The following REEP3 variants were observed in gnomAD, a reference collection of about 807,000 sequenced individuals.
REEP3 encodes the protein receptor accessory protein 3.
Under a neutral mutation model 41.3 loss-of-function variants are expected in REEP3, and 20 were observed. That is an observed-to-expected ratio of 0.48 (90% CI 0.34 to 0.70). The LOEUF (loss-of-function observed/expected upper bound fraction) is 0.70. Among genes scored for constraint, REEP3 ranks in the 30% least tolerant of loss-of-function variants. The pLI is 0.01. For missense variants in REEP3, 271 were observed against 308.8 expected (o/e 0.88, Z 0.92); for synonymous variants, 104 against 101.8 (o/e 1.02, Z -0.13).
chr10:63,543,082 G>A (rs1955544025), intron 1 of REEP3, among the ~76,000 whole-genome samples: 1 of 152,108 alleles, frequency 6.6e-6, no homozygotes, highest in Non-Finnish European at 1.5e-5. Flanking sequence ...GTGACCTCAG[G>A]AGTCTGTGTT....
At chr10:63,586,926 G>A (rs1426032857) in intron 2 of REEP3, among the ~76,000 whole-genome samples, 2 of 150,878 alleles carry the variant, frequency 1.3e-5, no homozygotes, top group Non-Finnish European at 2.9e-5. Context: ...AACAAAGTAA[G>A]CAAAATAAAA....
intron 1 of REEP3, among the ~76,000 whole-genome samples, chr10:63,522,350 T>C (rs1955285173): frequency 6.6e-6 from 1 of 151,174 alleles, no homozygotes; most frequent in African/African-American, 2.5e-5. Context: ...ATTGTTCTCC[T>C]ACCAACAAGT....
At chr10:63,610,160 T>C (rs747603852) in intron 5 of REEP3, 27 bp from the exon 6 acceptor site, 2 of 1,587,696 alleles carry the variant, frequency 1.3e-6, no homozygotes, top group Non-Finnish European at 8.6e-7. Context: ...TATTTTTTCT[T>C]GGACCTATCA....
Position 63,589,785 on chromosome 10 carries a change from C to CTTT in REEP3, c.106-4969_106-4967dup, listed in dbSNP as rs59658061. Among the ~76,000 whole-genome samples the CTTT allele has an allele frequency of 0.015, 1,226 of 80,802 alleles. 243 individuals carry two copies. The East Asian group carries it at 0.22, about 15-fold the overall frequency. The allele number at this position is 80,802 out of a possible 152,430, so 53.0% of individuals were successfully genotyped here. A position where few individuals can be genotyped will look rare whatever the true frequency, so the allele number is the denominator to read the frequency against. On this transcript the variant is annotated intron_variant, in intron 2 of 7. Transcript: ENST00000373758. ...TAATGTACTAAGAACAGCAGAACAT[C>CTTT]TTTTTTTTTTTTTTTTTTTTTTTTT...
chr10:63,537,234 T>G (rs1191342343), intron 1 of REEP3, among the ~76,000 whole-genome samples: 1 of 151,988 alleles, frequency 6.6e-6, no homozygotes, highest in Admixed American at 6.6e-5. Context: ...TTGTGTTTTG[T>G]TTTTTTTAAA....
At chr10:63,536,328 A>G (rs1166142831) in intron 1 of REEP3, among the ~76,000 whole-genome samples, 2 of 152,160 alleles carry the variant, frequency 1.3e-5, no homozygotes, top group Non-Finnish European at 2.9e-5. Flanking sequence ...ACATATCATC[A>G]CCCTATCAAG....
intron 2 of REEP3, among the ~76,000 whole-genome samples, chr10:63,588,198 C>A (rs979067117): frequency 1.3e-5 from 2 of 152,226 alleles, no homozygotes; most frequent in Non-Finnish European, 2.9e-5. Context: ...CTTCTGGACA[C>A]AGCCACTCTT....
chr10:63,555,704 C>T (rs539091283), intron 1 of REEP3, among the ~76,000 whole-genome samples: 4 of 152,198 alleles, frequency 2.6e-5, no homozygotes, highest in South Asian at 2.1e-4. Context: ...AGTTAACCAA[C>T]GTACTGTACT....
intron 1 of REEP3, among the ~76,000 whole-genome samples, chr10:63,549,294 G>T (rs1027149717): frequency 3.3e-5 from 5 of 152,228 alleles, no homozygotes; most frequent in African/African-American, 1.2e-4. Flanking sequence ...ACAGCCAGGT[G>T]TGGTGGCTCA....
chr10:63,608,912 AACTTT>A (rs1956253431), intron 5 of REEP3, among the ~76,000 whole-genome samples: 1 of 152,208 alleles, frequency 6.6e-6, no homozygotes, highest in Admixed American at 6.5e-5. Context: ...TATTTTATTT[AACTTT>A]ACTTAATTTC....
intron 1 of REEP3, among the ~76,000 whole-genome samples, chr10:63,565,709 G>A (rs1358945559): frequency 6.6e-6 from 1 of 152,070 alleles, no homozygotes; most frequent in Non-Finnish European, 1.5e-5. Context: ...GATTATCTCT[G>A]ACTGGCAGGG....
intron 3 of REEP3, among the ~76,000 whole-genome samples, chr10:63,595,767 G>A (rs936401623): frequency 8.6e-5 from 13 of 152,024 alleles, no homozygotes; most frequent in African/African-American, 3.1e-4. Flanking sequence ...TAATAGAGAC[G>A]GGGTTTCACC....
At chr10:63,605,214 C>A (rs1475668326) in intron 5 of REEP3, among the ~76,000 whole-genome samples, 1 of 152,088 alleles carries the variant, frequency 6.6e-6, no homozygotes, top group Non-Finnish European at 1.5e-5. Flanking sequence ...TTTTTACTTC[C>A]TTTTTAAAAT....
At chr10:63,612,913 C>A (rs951006777) in intron 6 of REEP3, among the ~76,000 whole-genome samples, 6 of 152,068 alleles carry the variant, frequency 3.9e-5, no homozygotes, top group African/African-American at 1.4e-4. Flanking sequence ...CATAATCATA[C>A]CCAAGGATTG....
intron 1 of REEP3, among the ~76,000 whole-genome samples, chr10:63,541,400 C>T (rs60461394): frequency 0.021 from 3,224 of 152,186 alleles, 107 homozygotes; most frequent in African/African-American, 0.072. Context: ...TTCCATAGAA[C>T]CCTAGAATTT....
At chr10:63,571,837 T>C (rs1955855130) in intron 2 of REEP3, among the ~76,000 whole-genome samples, 1 of 152,184 alleles carries the variant, frequency 6.6e-6, no homozygotes, top group Non-Finnish European at 1.5e-5. Flanking sequence ...TGGAGTCACA[T>C]GGATTGTAAA....
intron 3 of REEP3, among the ~76,000 whole-genome samples, chr10:63,595,657 A>G (rs756557953): frequency 2.0e-5 from 3 of 151,520 alleles, no homozygotes; most frequent in Non-Finnish European, 2.9e-5. Context: ...GCTCACTGCA[A>G]CCTCTACCTC....
At chr10:63,566,728 T>C (rs1955802998) in intron 2 of REEP3, among the ~76,000 whole-genome samples, 1 of 152,144 alleles carries the variant, frequency 6.6e-6, no homozygotes, top group Non-Finnish European at 1.5e-5. Flanking sequence ...TTTTGCCTTA[T>C]AAATTTATAG....
intron 1 of REEP3, among the ~76,000 whole-genome samples, chr10:63,527,872 T>G (rs1288162061): frequency 6.6e-6 from 1 of 152,140 alleles, no homozygotes; most frequent in Non-Finnish European, 1.5e-5. Flanking sequence ...ATCTGACTTA[T>G]CAGCAGCTTT....
Sources: allele counts gnomAD v4.1 joint callset (sites outside exome capture counted in the v4.1 genomes callset), GRCh38; gene constraint gnomAD v4.1.1; transcripts MANE v1.5; gene names NCBI Gene and HGNC (gene_info 2026-07-23, HGNC 2026-07-21).